C1QL2: variants seen among roughly 807,000 people sequenced by gnomAD.
C1QL2 encodes the protein complement C1q-like protein 2.
A neutral mutation model predicts 16.6 loss-of-function variants in C1QL2; 13 were observed. The observed-to-expected ratio is 0.78, with a 90% CI of 0.51 to 1.25. C1QL2 has a LOEUF of 1.25. Ranked by LOEUF, C1QL2 falls within the 50% of genes most tolerant of loss-of-function variation. The pLI is 0.00. For synonymous variants in C1QL2, 210 were observed against 183.2 expected, an observed-to-expected ratio of 1.15 and a Z score of -1.18; for missense variants, 396 against 409.6, an observed-to-expected ratio of 0.97 and a Z score of 0.29.
In C1QL2 at chr2:119,156,745, G is replaced by T; in HGVS notation, c.*57C>A. 6.4e-7 allele frequency: 1 copy of T among 1,561,348 alleles called. No individual in the cohort carries two copies. Among genetic ancestry groups the T allele is most frequent in the Non-Finnish European group, 8.7e-7 (1 of 1,154,532 alleles). On this transcript the variant is annotated 3_prime_UTR_variant, in exon 2 of 2. Transcript: ENST00000272520. ...CGAGAGTGGCCTTTGCCAAGGAGCC[G>T]CGCCCGGGCGGAGACCGGGCGGCCT...
chr2:119,158,286 A>T lies in C1QL2; in HGVS notation c.-17T>A. 7.1e-7 allele frequency: 1 copy of T among 1,400,050 alleles called. No individual in the cohort carries two copies. Among genetic ancestry groups the T allele is most frequent in the Non-Finnish European group, 9.2e-7 (1 of 1,085,214 alleles). The allele number at this position is 1,400,050 out of a possible 1,614,324, so 86.7% of individuals were successfully genotyped here. A position where few individuals can be genotyped will look rare whatever the true frequency, so the allele number is the denominator to read the frequency against. On this transcript the variant is annotated 5_prime_UTR_variant, in exon 1 of 2. Transcript: ENST00000272520. The stretch of plus-strand genomic sequence containing the variant: ...GAGCGCCATGGCCAAGAGTACGCCG[A>T]CGGCCGCCAGGCAGGCACGCCGCCG...
rs1201857427 is a variant in C1QL2, at chr2:119,156,276, T to C, written c.*526A>G. 1 of 153,458 alleles carries C rather than the reference T, an allele frequency of 6.5e-6. No homozygotes were observed. Among genetic ancestry groups the C allele is most frequent in the Non-Finnish European group, 1.5e-5 (1 of 68,714 alleles). 9.5% of individuals were successfully genotyped at this position (153,458 alleles called of 1,614,324 possible). The stretch of plus-strand genomic sequence containing the variant: ...AAAAACATAATTTAATGCATCGCGG[T>C]GAGTCTGAGTCAGGAGGGAATGCGG... On this transcript the variant is annotated 3_prime_UTR_variant, in exon 2 of 2. Transcript: ENST00000272520.
In C1QL2 at chr2:119,157,570, T is replaced by C. The variant is rs1470163459; in HGVS notation, c.684+16A>G. The C allele has an allele frequency of 6.2e-7, 1 of 1,612,598 alleles. No individual in the cohort carries two copies. The highest frequency in any genetic ancestry group is 1.3e-5 in the African/African-American group (1 of 74,698). On this transcript the variant is annotated intron_variant, in intron 1 of 1. Transcript: ENST00000272520. ...GCGAGGGTTTACGGGGGCCGGTGAG[T>C]GTAGGGGTCACTGACCTGCCCGTTC...
Position 119,157,688 on chromosome 2 carries a change from C to G in C1QL2, c.582G>C (p.Lys194Asn). ...LGNHYDPTTG[K>N]FSCQVRGIYF... ...AGATGCCGCGTACCTGGCAGCTGAACTTGCCCGTGGTGGGGTCATAGTGAT... is the reference window on the plus strand; with the variant it reads ...AGATGCCGCGTACCTGGCAGCTGAAGTTGCCCGTGGTGGGGTCATAGTGAT... Residue 194 changes from lysine to asparagine, a missense_variant, in exon 1 of 2, where the codon AAG becomes AAC. Transcript: ENST00000272520. 3.7e-6 allele frequency: 6 copies of G among 1,614,190 alleles called. No individual in the cohort carries two copies. The highest frequency in any genetic ancestry group is 5.1e-6 in the Non-Finnish European group (6 of 1,180,018).
In C1QL2 at chr2:119,158,303, A is replaced by T; in HGVS notation, c.-34T>A. On this transcript the variant is annotated 5_prime_UTR_variant, in exon 1 of 2. Coordinates refer to ENST00000272520, the MANE Select transcript of C1QL2 (RefSeq NM_182528.4). ...GTACGCCGACGGCCGCCAGGCAGGCACGCCGCCGCCGCTGCCACAGCCGGG... is the reference window on the plus strand; with the variant it reads ...GTACGCCGACGGCCGCCAGGCAGGCTCGCCGCCGCCGCTGCCACAGCCGGG... 2 of 1,343,718 alleles carry T rather than the reference A, an allele frequency of 1.5e-6. No individual in the cohort carries two copies. The highest frequency in any genetic ancestry group is 1.9e-6 in the Non-Finnish European group (2 of 1,054,244). The allele number at this position is 1,343,718 out of a possible 1,614,324, so 83.2% of individuals were successfully genotyped here.
In C1QL2 at chr2:119,156,814, C is replaced by G; in HGVS notation, c.852G>C (p.Leu284=). ...NKYSTFSGFL[L]YPD ...ACCCCCCGCGCCCCTAATCCGGGTA[C>G]AGAAGAAAGCCCGAGAACGTGCTGT... The change falls in exon 2 of 2, where the codon CTG becomes CTC. Residue 284 remains leucine, a synonymous_variant. Coordinates refer to ENST00000272520, the MANE Select transcript of C1QL2 (RefSeq NM_182528.4). 1 of 1,613,750 alleles carries G rather than the reference C, an allele frequency of 6.2e-7. No individual in the cohort carries two copies. Among genetic ancestry groups the G allele is most frequent in the South Asian group, 1.1e-5 (1 of 91,046 alleles).
In C1QL2 at chr2:119,156,776, C is replaced by T; in HGVS notation, c.*26G>A. 2 of 1,604,000 alleles carry T rather than the reference C, an allele frequency of 1.2e-6. No homozygotes were observed. Among genetic ancestry groups the T allele is most frequent in the African/African-American group, 2.7e-5 (2 of 74,682 alleles). ...GGGCGGAGACCGGGCGGCCTGCAGC[C>T]ACCCCGCCTCGCACCCCCCGCGCCC... On this transcript the variant is annotated 3_prime_UTR_variant, in exon 2 of 2. Coordinates refer to ENST00000272520, the MANE Select transcript of C1QL2 (RefSeq NM_182528.4).
chr2:119,157,525 C>T, intron 1 of C1QL2, 61 bp downstream of exon 1: 2 of 1,567,684 alleles, frequency 1.3e-6, no homozygotes, highest in Non-Finnish European at 1.7e-6. Flanking sequence ...GGCTGGTTCC[C>T]TGGGAGGTTC....
In C1QL2 at chr2:119,158,002, G is replaced by C; in HGVS notation, c.268C>G (p.Arg90Gly). Residue 90 changes from arginine (R) to glycine (G), a missense_variant, in exon 1 of 2, where the codon CGG (arginine) becomes GGG (glycine). Physicochemically the swap from Arg to Gly is moderately radical, Grantham distance 125. This residue lies in a region of C1QL2 where 353 missense variants were observed against 334.8 expected (regional missense o/e 1.05). Coordinates refer to ENST00000272520, the MANE Select transcript of C1QL2 (RefSeq NM_182528.4). ...GGGCCCGGCTCTCCAGGGGGCCCCCGCGGCCCTGGCTTGCCCGGTCGCCCC... is the reference window on the plus strand; with the variant it reads ...GGGCCCGGCTCTCCAGGGGGCCCCCCCGGCCCTGGCTTGCCCGGTCGCCCC... ...DPGRPGKPGP[R>G]GPPGEPGPPG... The C allele has an allele frequency of 2.0e-6, 3 of 1,522,076 alleles. No homozygotes were observed. Among genetic ancestry groups the C allele is most frequent in the Non-Finnish European group, 2.6e-6 (3 of 1,136,864 alleles). 94.3% of individuals were successfully genotyped at this position (1,522,076 alleles called of 1,614,324 possible). A position where few individuals can be genotyped will look rare whatever the true frequency, so the allele number is the denominator to read the frequency against.
At position 119,157,992 on chromosome 2, in the gene C1QL2, G is replaced by A. The variant is rs1336210259; in HGVS notation, c.278C>T (p.Pro93Leu). The A allele has an allele frequency of 2.6e-6, 4 of 1,520,552 alleles. No individual in the cohort carries two copies. The South Asian group carries it at 5.0e-5, about 19-fold the overall frequency. The allele number at this position is 1,520,552 out of a possible 1,614,324, so 94.2% of individuals were successfully genotyped here. ...GGGTCCAGGCGGGCCCGGCTCTCCA[G>A]GGGGCCCCCGCGGCCCTGGCTTGCC... ...RPGKPGPRGP[P>L]GEPGPPGPRG... is the part of the protein sequence containing the mutation. The change falls in exon 1 of 2, where the codon CCT (proline) becomes CTT (leucine). Residue 93 changes from proline (P) to leucine (L), a missense_variant. Pro to Leu is a moderately conservative substitution (Grantham distance 98). Around this residue, in one of 2 missense-constraint regions of C1QL2, gnomAD observed 353 missense variants for 334.8 expected, o/e 1.05. Coordinates refer to ENST00000272520, the MANE Select transcript of C1QL2 (RefSeq NM_182528.4).
In C1QL2 at chr2:119,157,889, G is replaced by T. The variant is rs1677989223; in HGVS notation, c.381C>A (p.Ser127Arg). The T allele has an allele frequency of 6.4e-7, 1 of 1,570,472 alleles. No individual in the cohort carries two copies. ...CCCCGCCGCCCACCACCCCGACGCC[G>T]CTGGCCGTGCCCGCCGTCAGTTGCA... ...PGLQLTAGTA[S>R]GVGVVGGGAG... Residue 127 changes from serine to arginine, a missense_variant, in exon 1 of 2, where the codon AGC becomes AGA. Physicochemically the swap from Ser to Arg is moderately radical, Grantham distance 110. This residue lies in a region of C1QL2 where 353 missense variants were observed against 334.8 expected (regional missense o/e 1.05). Coordinates refer to ENST00000272520, the MANE Select transcript of C1QL2 (RefSeq NM_182528.4).
Position 119,156,688 on chromosome 2 carries a change from T to C in C1QL2, c.*114A>G, listed in dbSNP as rs556671059. 119 of 1,261,132 alleles carry C rather than the reference T, an allele frequency of 9.4e-5. No individual in the cohort carries two copies. The African/African-American group carries it at 1.5e-3, about 16-fold the overall frequency. The allele number at this position is 1,261,132 out of a possible 1,614,324, so 78.1% of individuals were successfully genotyped here. ...CAGGGAGGACGCAGGGATTTGTCTTTTCCAAAGGAGATGTCAGGAAGTGTT... is the reference window on the plus strand; with the variant it reads ...CAGGGAGGACGCAGGGATTTGTCTTCTCCAAAGGAGATGTCAGGAAGTGTT... On this transcript the variant is annotated 3_prime_UTR_variant, in exon 2 of 2. Transcript: ENST00000272520.
rs769927528 is a variant in C1QL2 at position 119,156,908 on chromosome 2, A to C, written c.758T>G (p.Leu253Trp). Reference sequence around the variant, plus strand: ...CACATACACTTCGTCCCCTGAATCCAAGTGCAGCACCACGCTGTTACTGGC... The same window carrying C: ...CACATACACTTCGTCCCCTGAATCCCAGTGCAGCACCACGCTGTTACTGGC... The part of the protein sequence containing the change: ...DYASNSVVLH[L>W]DSGDEVYVKL... Residue 253 changes from leucine to tryptophan, a missense_variant, in exon 2 of 2, where the codon TTG (leucine) becomes TGG (tryptophan). Around this residue, in one of 2 missense-constraint regions of C1QL2, gnomAD observed 43 missense variants for 74.8 expected, o/e 0.57. Coordinates refer to ENST00000272520, the MANE Select transcript of C1QL2 (RefSeq NM_182528.4). 6.2e-7 allele frequency: 1 copy of C among 1,614,022 alleles called. No individual in the cohort carries two copies. The highest frequency in any genetic ancestry group is 8.5e-7 in the Non-Finnish European group (1 of 1,179,932).
rs76004446 is a variant in C1QL2, at chr2:119,157,528, G to A, written c.684+58C>T. On this transcript the variant is annotated intron_variant, in intron 1 of 1. Coordinates refer to ENST00000272520, the MANE Select transcript of C1QL2 (RefSeq NM_182528.4). Reference sequence around the variant, plus strand: ...GGAGAGAAAGGAGGCTGGTTCCCTGGGAGGTTCAGGGCGCGGGCGAGGGTT... The same window carrying A: ...GGAGAGAAAGGAGGCTGGTTCCCTGAGAGGTTCAGGGCGCGGGCGAGGGTT... The A allele has an allele frequency of 4.3e-3, 6,653 of 1,561,702 alleles. 223 individuals are homozygous for A. In the African/African-American group the frequency reaches 0.083, roughly 20 times the overall value.
Position 119,156,987 on chromosome 2 carries a change from G to A in C1QL2, c.685-6C>T, listed in dbSNP as rs761032670. On this transcript the variant is annotated splice_polypyrimidine_tract_variant and splice_region_variant and intron_variant, in intron 1 of 1. Coordinates refer to ENST00000272520, the MANE Select transcript of C1QL2 (RefSeq NM_182528.4). Reference sequence around the variant, plus strand: ...GCAATGGCGCTGGCCCGGACCTGGGGACAAGCGGTGGGAGCAGGTGAGCCG... The same window carrying A: ...GCAATGGCGCTGGCCCGGACCTGGGAACAAGCGGTGGGAGCAGGTGAGCCG... 147 of 1,613,292 alleles carry A rather than the reference G, an allele frequency of 9.1e-5. 1 individual carries two copies. The highest frequency in any genetic ancestry group is 1.2e-4 in the Non-Finnish European group (137 of 1,179,788).
rs1348083712 is a variant in C1QL2 at position 119,158,328 on chromosome 2, G to A, written c.-59C>T. 6 of 1,301,432 alleles carry A rather than the reference G, an allele frequency of 4.6e-6. No individual in the cohort carries two copies. Among genetic ancestry groups the A allele is most frequent in the African/African-American group, 3.1e-5 (2 of 64,240 alleles). The allele number at this position is 1,301,432 out of a possible 1,614,324, so 80.6% of individuals were successfully genotyped here. A position where few individuals can be genotyped will look rare whatever the true frequency, so the allele number is the denominator to read the frequency against. ...ACGCCGCCGCCGCTGCCACAGCCGGGAGGCGACCGCCACCAGCTCCTCCTT... is the reference window on the plus strand; with the variant it reads ...ACGCCGCCGCCGCTGCCACAGCCGGAAGGCGACCGCCACCAGCTCCTCCTT... On this transcript the variant is annotated 5_prime_UTR_variant, in exon 1 of 2. Transcript: ENST00000272520.
chr2:119,157,047 C>T (rs961304324), intron 1 of C1QL2, 66 bp from the exon 2 acceptor site: 23 of 1,561,300 alleles, frequency 1.5e-5, no homozygotes, highest in Non-Finnish European at 1.8e-5. Context: ...TCAGCCCACA[C>T]CAGGCGCGCC....
In C1QL2 at chr2:119,156,532, A is replaced by C. The variant is rs1466973522; in HGVS notation, c.*270T>G. On this transcript the variant is annotated 3_prime_UTR_variant, in exon 2 of 2. Coordinates refer to ENST00000272520, the MANE Select transcript of C1QL2 (RefSeq NM_182528.4). ...CCGGCCCTGCCTGTCCAGTCTAATC[A>C]GGTTTGCAAAGTCTGTGCCGCCGCC... 2.8e-6 allele frequency: 1 copy of C among 363,054 alleles called. No homozygotes were observed. The highest frequency in any genetic ancestry group is 5.0e-6 in the Non-Finnish European group (1 of 199,626). 22.5% of individuals were successfully genotyped at this position (363,054 alleles called of 1,614,324 possible). A position where few individuals can be genotyped will look rare whatever the true frequency, so the allele number is the denominator to read the frequency against.
Position 119,156,738 on chromosome 2 carries a change from A to G in C1QL2, c.*64T>C. On this transcript the variant is annotated 3_prime_UTR_variant, in exon 2 of 2. Transcript: ENST00000272520. ...TATGAATCGAGAGTGGCCTTTGCCA[A>G]GGAGCCGCGCCCGGGCGGAGACCGG... 6.4e-7 allele frequency: 1 copy of G among 1,551,940 alleles called. No individual in the cohort carries two copies. The highest frequency in any genetic ancestry group is 8.7e-7 in the Non-Finnish European group (1 of 1,148,390).
Sources: allele counts gnomAD v4.1 joint callset, GRCh38; gene constraint gnomAD v4.1.1; regional missense constraint gnomAD v4.1.1; transcripts MANE v1.5; gene names NCBI Gene and HGNC (gene_info 2026-07-23, HGNC 2026-07-21).